The following TRAK1 variants were observed in gnomAD, a reference collection of about 807,000 sequenced individuals.
TRAK1 encodes the protein trafficking kinesin-binding protein 1.
Under a neutral mutation model 92.1 loss-of-function variants are expected in TRAK1, and 33 were observed. That is an observed-to-expected ratio of 0.36 (90% CI 0.27 to 0.48). The LOEUF is 0.48. Ranked by LOEUF, TRAK1 falls within the 20% of genes least tolerant of loss-of-function variation. The probability of loss-of-function intolerance (pLI) is 0.99; values close to 1 mark genes in which losing one functional copy is unlikely to be tolerated. For synonymous variants in TRAK1, 521 were observed against 517.3 expected (o/e 1.01, Z -0.10); for missense variants, 1,123 against 1,257.9 (o/e 0.89, Z 1.62).
At position 42,030,397 on chromosome 3, in the gene TRAK1, G is replaced by C. The variant is rs1379474632; in HGVS notation, c.-519+16280G>C. On this transcript the variant is annotated intron_variant, in intron 1 of 16. Coordinates refer to the TRAK1 transcript ENST00000487159. ...AATATATATATATATATATGGCCGG[G>C]CGTGGTAGCTCACGTCTGTAATCCC... Among the ~76,000 whole-genome samples the C allele has an allele frequency of 2.1e-5, 3 of 146,082 alleles. No homozygotes were observed. In the East Asian group the frequency reaches 6.1e-4, roughly 30 times the overall value.
intron 1 of TRAK1, among the ~76,000 whole-genome samples, chr3:42,018,283 A>G (rs1219957825): frequency 6.7e-6 from 1 of 148,348 alleles, no homozygotes; most frequent in Non-Finnish European, 1.5e-5. Flanking sequence ...AAAAAAAAAT[A>G]TTGCTGTCTG....
chr3:42,101,119 G>A (rs1706692796), intron 1 of TRAK1, among the ~76,000 whole-genome samples: 1 of 152,128 alleles, frequency 6.6e-6, no homozygotes, highest in South Asian at 2.1e-4. Flanking sequence ...TCTTATTTGG[G>A]GATTTGGGCC....
intron 1 of TRAK1, among the ~76,000 whole-genome samples, chr3:42,056,247 G>T (rs1015406225): frequency 2.0e-5 from 3 of 152,142 alleles, no homozygotes; most frequent in Admixed American, 2.0e-4. Flanking sequence ...TTAACATTTT[G>T]ATAAATTGCC....
intron 1 of TRAK1, among the ~76,000 whole-genome samples, chr3:42,115,176 G>T (rs998894996): frequency 6.6e-6 from 1 of 152,102 alleles, no homozygotes; most frequent in African/African-American, 2.4e-5. Flanking sequence ...TAACTTTCAC[G>T]TTTAAAATAA....
At chr3:42,116,291 G>C (rs1393769589) in intron 1 of TRAK1, among the ~76,000 whole-genome samples, 3 of 152,246 alleles carry the variant, frequency 2.0e-5, no homozygotes, top group Non-Finnish European at 1.5e-5. Flanking sequence ...TCAATGAGGA[G>C]GTTGCGCCAG....
chr3:42,210,724 G>A (rs2149509594), intron 14 of TRAK1: 1 of 986,364 alleles, frequency 1.0e-6, no homozygotes, highest in Non-Finnish European at 1.2e-6. Flanking sequence ...TGTGTTCAAA[G>A]TGGATTTTTA....
chr3:42,163,988 C>A (rs1559858433), intron 2 of TRAK1, among the ~76,000 whole-genome samples: 1 of 152,190 alleles, frequency 6.6e-6, no homozygotes, highest in Non-Finnish European at 1.5e-5. Context: ...AGGTTTGCTC[C>A]TGACATGAAA....
chr3:42,084,877 T>A (rs1029870226), upstream of TRAK1, among the ~76,000 whole-genome samples: 13 of 152,188 alleles, frequency 8.5e-5, no homozygotes, highest in African/African-American at 2.9e-4. Flanking sequence ...GTTCCAAGCT[T>A]CTCTTGTTAA....
chr3:42,115,411 A>C (rs1431222273), intron 1 of TRAK1, among the ~76,000 whole-genome samples: 1 of 151,924 alleles, frequency 6.6e-6, no homozygotes, highest in African/African-American at 2.4e-5. Context: ...CTTTAGCCTC[A>C]CGTCGGACAC....
At chr3:42,100,845 A>T (rs1013698219) in intron 1 of TRAK1, among the ~76,000 whole-genome samples, 8 of 151,332 alleles carry the variant, frequency 5.3e-5, no homozygotes, top group Non-Finnish European at 1.2e-4. Context: ...TTTTTTGTAT[A>T]TTTAGTAGAG....
At chr3:42,193,934 A>G (rs1305987731) in intron 9 of TRAK1, 36 bp downstream of exon 9, 1 of 1,599,342 alleles carries the variant, frequency 6.3e-7, no homozygotes, top group East Asian at 2.2e-5. Context: ...AGTGCCTCTG[A>G]TTGCAGCCAA....
intron 1 of TRAK1, among the ~76,000 whole-genome samples, chr3:42,018,983 G>A (rs1250129613): frequency 1.3e-5 from 2 of 152,104 alleles, no homozygotes; most frequent in African/African-American, 2.4e-5. Flanking sequence ...TTAGCTGGGC[G>A]TGCTGGTGGA....
rs552538335 is a variant in TRAK1, at chr3:42,188,132, G to A, written c.568G>A (p.Val190Ile). The change falls in exon 5 of 16, where the codon GTT becomes ATT. Residue 190 changes from valine (V) to isoleucine (I), a missense_variant. Physicochemically the swap from Val to Ile is conservative, Grantham distance 29 (BLOSUM62 3). This residue lies in a region of TRAK1 where 686 missense variants were observed against 747.6 expected (regional missense o/e 0.92). Coordinates refer to ENST00000327628, the MANE Select transcript of TRAK1 (RefSeq NM_001042646.3). ...SAAEESEPES[V>I]CSTPLKRNES... is the part of the protein sequence containing the mutation. ...TGCGGAGGAGAGTGAGCCCGAGTCC[G>A]TTTGCTCAACCCCGTAAGTCACCAG... The A allele has an allele frequency of 2.8e-5, 46 of 1,614,058 alleles. No homozygotes were observed. The highest frequency in any genetic ancestry group is 1.6e-4 in the Middle Eastern group (1 of 6,062).
At chr3:42,071,956 G>T (rs905386967) in intron 1 of TRAK1, among the ~76,000 whole-genome samples, 7 of 152,188 alleles carry the variant, frequency 4.6e-5, no homozygotes, top group African/African-American at 1.7e-4. Context: ...CCAGCCTCCA[G>T]AATTCCTCCT....
intron 1 of TRAK1, among the ~76,000 whole-genome samples, chr3:42,027,440 G>A (rs1339470769): frequency 2.6e-5 from 4 of 151,842 alleles, no homozygotes; most frequent in Non-Finnish European, 5.9e-5. Context: ...GGAGAATGGC[G>A]TTAACCCGGG....
intron 1 of TRAK1, among the ~76,000 whole-genome samples, chr3:42,056,300 A>G (rs1033068701): frequency 5.3e-5 from 8 of 152,206 alleles, no homozygotes; most frequent in Non-Finnish European, 8.8e-5. Context: ...CATTCCCACC[A>G]GCAGTGAGTG....
chr3:42,194,938 C>T lies in TRAK1; in HGVS notation c.1110C>T (p.Pro370=), dbSNP rs1350491902. ...SRRYHSLGLF[P]MDSLAAEIEG... ...GCTACCACTCACTGGGCCTGTTTCC[C>T]ATGGTGAGCTGTGCTTTCTTCCCAG... The change falls in exon 10 of 16, where the codon CCC becomes CCT. Residue 370 remains proline (P), a synonymous_variant. Transcript: ENST00000327628. 6.2e-7 allele frequency: 1 copy of T among 1,613,616 alleles called. No individual in the cohort carries two copies. Among genetic ancestry groups the T allele is most frequent in the Admixed American group, 1.7e-5 (1 of 59,980 alleles).
rs943110119 is a variant in TRAK1 at position 42,223,803 on chromosome 3, C to G, written c.*66C>G. 1.3e-6 allele frequency: 2 copies of G among 1,523,456 alleles called. No homozygotes were observed. The highest frequency in any genetic ancestry group is 1.8e-4 in the Middle Eastern group (1 of 5,576). The allele number at this position is 1,523,456 out of a possible 1,614,324, so 94.4% of individuals were successfully genotyped here. On this transcript the variant is annotated 3_prime_UTR_variant, in exon 16 of 16. Coordinates refer to ENST00000327628, the MANE Select transcript of TRAK1 (RefSeq NM_001042646.3). The surrounding 1 kb of genome is among the most constrained non-coding windows in gnomAD (Gnocchi z 6.1). ...TCTCCTCTCTTGCTCCCACCTCCCT[C>G]TCTTCCCCCCACAGTGCACTCCCTC...
chr3:42,048,011 A>G (rs1193403701), intron 1 of TRAK1, among the ~76,000 whole-genome samples: 1 of 151,774 alleles, frequency 6.6e-6, no homozygotes, highest in Non-Finnish European at 1.5e-5. Flanking sequence ...TCCTTCTACA[A>G]TAAACATCCA....
Sources: gnomAD v4.1 joint callset for allele counts (sites outside exome capture counted in the v4.1 genomes callset) on GRCh38, gnomAD v4.1.1 for gene constraint, gnomAD v4.1.1 regional missense constraint, Gnocchi (gnomAD v3.1) non-coding constraint, MANE v1.5 for transcripts, NCBI Gene and HGNC (gene_info 2026-07-23, HGNC 2026-07-21) for gene names.